LINGO2: variants seen among roughly 807,000 people sequenced by gnomAD.
LINGO2 encodes leucine rich repeat and Ig domain containing 2, also known as leucine-rich repeat and immunoglobulin-like domain-containing nogo receptor-interacting protein 2.
Under a neutral mutation model 30.6 loss-of-function variants are expected in LINGO2, and 14 were observed. The observed-to-expected ratio is 0.46, with a 90% CI of 0.30 to 0.72. The LOEUF is 0.72. Among genes scored for constraint, LINGO2 ranks in the 30% least tolerant of loss-of-function variants. LINGO2 has a pLI of 0.07. For missense variants in LINGO2, 729 were observed against 751.7 expected (o/e 0.97, Z 0.35); for synonymous variants, 317 against 288.5 (o/e 1.10, Z -1.00).
intron 1 of LINGO2, among the ~76,000 whole-genome samples, chr9:28,480,562 G>A (rs1005367078): frequency 1.1e-4 from 17 of 151,970 alleles, no homozygotes; most frequent in Non-Finnish European, 2.1e-4. Context: ...GGAAAACAAG[G>A]TTAAAAATTA....
chr9:28,508,642 T>C (rs1320542596), intron 1 of LINGO2, among the ~76,000 whole-genome samples: 1 of 152,156 alleles, frequency 6.6e-6, no homozygotes, highest in African/African-American at 2.4e-5. Context: ...ACAATACATC[T>C]TTTCCTTTAT....
rs867917826 is a variant in LINGO2, at chr9:28,589,907, T to C, written c.-365+80293A>G. The stretch of plus-strand genomic sequence containing the variant: ...CACACTACCTGACTTCAAAATATAC[T>C]ACAAGGCTACAGTAACCAAAACAGC... On this transcript the variant is annotated intron_variant, in intron 1 of 5. Coordinates refer to ENST00000379992, the Ensembl canonical transcript of LINGO2. Among the ~76,000 whole-genome samples the C allele has an allele frequency of 2.6e-4, 40 of 152,154 alleles. No homozygotes were observed. The Middle Eastern group carries it at 0.01, about 39-fold the overall frequency.
intron 1 of LINGO2, among the ~76,000 whole-genome samples, chr9:28,519,390 C>G (rs187292886): frequency 1.1e-3 from 160 of 152,162 alleles, no homozygotes; most frequent in Admixed American, 6.0e-3. Context: ...ATAAGTTGTT[C>G]AGGTAAATAG....
intron 4 of LINGO2, among the ~76,000 whole-genome samples, chr9:28,154,920 A>C (rs1359972918): frequency 6.6e-6 from 1 of 152,230 alleles, no homozygotes; most frequent in African/African-American, 2.4e-5. Context: ...TGTTTTAAAA[A>C]TCATGAATCA....
chr9:27,944,069 T>C (rs1389164382), downstream of LINGO2: 6 of 152,184 alleles, frequency 3.9e-5, no homozygotes, highest in Admixed American at 3.9e-4. Flanking sequence ...ATCTTAATTA[T>C]GTATTTTGTT....
chr9:28,163,851 T>C (rs921928941), intron 4 of LINGO2, among the ~76,000 whole-genome samples: 1 of 152,176 alleles, frequency 6.6e-6, no homozygotes, highest in African/African-American at 2.4e-5. Context: ...AAAGCTCTAA[T>C]AACAATTGTT....
the LINGO2 span, among the ~76,000 whole-genome samples, chr9:28,886,471 C>G: frequency 1.3e-5 from 2 of 152,064 alleles, no homozygotes; most frequent in African/African-American, 4.8e-5. Context: ...GACAGGGCTA[C>G]TCCTTGGATT....
intron 4 of LINGO2, among the ~76,000 whole-genome samples, chr9:28,241,308 A>C (rs1213635671): frequency 2.7e-5 from 4 of 150,768 alleles, no homozygotes; most frequent in Non-Finnish European, 5.9e-5. Flanking sequence ...AAGAAAAAAA[A>C]AATCTAAGAA....
At chr9:28,095,117 T>C (rs550743315) in intron 4 of LINGO2, among the ~76,000 whole-genome samples, 237 of 152,258 alleles carry the variant, frequency 1.6e-3, no homozygotes, top group Non-Finnish European at 2.8e-3. Flanking sequence ...TTACATATTT[T>C]ATTTCCCTTG....
In LINGO2 at chr9:28,447,334, C is replaced by T. The variant is rs576860964; in HGVS notation, c.-279+28606G>A. On this transcript the variant is annotated intron_variant, in intron 2 of 5. Coordinates refer to ENST00000379992, the Ensembl canonical transcript of LINGO2. ...TGAATGGAATTAGTTGCTTGTAAAA[C>T]TCAAAGGTAGCTTGTTTGCCCTTCC... 2.6e-5 allele frequency among the ~76,000 whole-genome samples: 4 copies of T among 152,274 alleles called. No homozygotes were observed. In the East Asian group the frequency reaches 7.7e-4, roughly 29 times the overall value.
the LINGO2 span, among the ~76,000 whole-genome samples, chr9:29,032,157 C>A: frequency 2.6e-5 from 4 of 152,122 alleles, no homozygotes; most frequent in South Asian, 8.3e-4. Context: ...CATAAACATG[C>A]TTCATGGAGG....
At chr9:28,813,107 G>C in the LINGO2 span, among the ~76,000 whole-genome samples, 1 of 150,572 alleles carries the variant, frequency 6.6e-6, no homozygotes, top group Admixed American at 6.6e-5. Context: ...GTATCATCAC[G>C]TAGATTGTCT....
In LINGO2 at chr9:28,147,653, G is replaced by A. The variant is rs376478468; in HGVS notation, c.-86-135248C>T. On this transcript the variant is annotated intron_variant, in intron 4 of 5. Transcript: ENST00000379992. The surrounding 1 kb of genome is among the most constrained non-coding windows in gnomAD (Gnocchi z 4.7). ...CAGCACCTGGGCGAGGTGCCAGGTGGAAGGGCTCTGGCGGATCAGCCCCGC... is the reference window on the plus strand; with the variant it reads ...CAGCACCTGGGCGAGGTGCCAGGTGAAAGGGCTCTGGCGGATCAGCCCCGC... 8.5e-5 allele frequency among the ~76,000 whole-genome samples: 13 copies of A among 152,162 alleles called. No individual in the cohort carries two copies. The East Asian group carries it at 2.3e-3, about 27-fold the overall frequency.
chr9:28,523,646 C>T (rs1359149643), intron 1 of LINGO2, among the ~76,000 whole-genome samples: 2 of 152,012 alleles, frequency 1.3e-5, no homozygotes, highest in East Asian at 3.9e-4. Flanking sequence ...TAGCAATGAA[C>T]ACTCAAAAAT....
chr9:29,022,985 A>T, the LINGO2 span, among the ~76,000 whole-genome samples: 1 of 151,974 alleles, frequency 6.6e-6, no homozygotes, highest in Non-Finnish European at 1.5e-5. Context: ...GCCAAAAAAA[A>T]AAAAAAGAGA....
At chr9:28,181,110 T>C (rs977889052) in intron 4 of LINGO2, among the ~76,000 whole-genome samples, 3 of 151,972 alleles carry the variant, frequency 2.0e-5, no homozygotes, top group African/African-American at 7.2e-5. Flanking sequence ...CCAAAAGAGA[T>C]GAATGGGGCT....
the LINGO2 span, among the ~76,000 whole-genome samples, chr9:28,952,034 G>A: frequency 6.6e-6 from 1 of 151,918 alleles, no homozygotes; most frequent in Non-Finnish European, 1.5e-5. Flanking sequence ...TATTAAAAAG[G>A]GTCTCTGACA....
the LINGO2 span, among the ~76,000 whole-genome samples, chr9:29,072,442 A>T: frequency 6.6e-6 from 1 of 151,960 alleles, no homozygotes; most frequent in African/African-American, 2.4e-5. Flanking sequence ...AATGTACTAA[A>T]AACACTAAAT....
intron 1 of LINGO2, among the ~76,000 whole-genome samples, chr9:28,612,870 G>T (rs973380312): frequency 2.0e-5 from 3 of 152,094 alleles, no homozygotes; most frequent in Admixed American, 6.5e-5. Context: ...GTTAGGCTTT[G>T]TATCCCCATG....
Sources: allele counts gnomAD v4.1 joint callset (sites outside exome capture counted in the v4.1 genomes callset), GRCh38; gene constraint gnomAD v4.1.1; non-coding constraint Gnocchi (gnomAD v3.1); transcripts MANE v1.5; gene names NCBI Gene and HGNC (gene_info 2026-07-23, HGNC 2026-07-21).